Variants in KCNQ1 observed in about 807,000 individuals in gnomAD.
The protein encoded by KCNQ1 is potassium voltage-gated channel subfamily KQT member 1.
A neutral mutation model predicts 72.4 loss-of-function variants in KCNQ1; 49 were observed. That is an observed-to-expected ratio of 0.68 (90% CI 0.54 to 0.86). KCNQ1 has a LOEUF of 0.86. KCNQ1 is among the 40% of genes least tolerant of loss of function. The pLI is 0.00. For missense variants in KCNQ1, 790 were observed against 945.1 expected (o/e 0.84, Z 2.15); for synonymous variants, 450 against 412.6 (o/e 1.09, Z -1.10).
rs1849815571 is a variant in KCNQ1, at chr11:2,654,857, C to T, written c.1394-7104C>T. ...TGTAGCCTCATGGGCAGCTCCAGGC[C>T]AGGTGGAGGGACATATTCTGGCAAC... On this transcript the variant is annotated intron_variant, in intron 10 of 15. Coordinates refer to ENST00000155840, the MANE Select transcript of KCNQ1 (RefSeq NM_000218.3). This position sits in a 1 kb window ranked among gnomAD's most constrained non-coding sequence, Gnocchi z 6.4. 1 of 398,376 alleles carries T rather than the reference C, an allele frequency of 2.5e-6. No homozygotes were observed. The highest frequency in any genetic ancestry group is 2.1e-5 in the African/African-American group (1 of 48,546). The allele number at this position is 398,376 out of a possible 1,614,324, so 24.7% of individuals were successfully genotyped here. A position where few individuals can be genotyped will look rare whatever the true frequency, so the allele number is the denominator to read the frequency against.
At chr11:2,708,696 T>TA (rs1850952975) in intron 11 of KCNQ1, among the ~76,000 whole-genome samples, 1 of 152,048 alleles carries the variant, frequency 6.6e-6, no homozygotes, top group Non-Finnish European at 1.5e-5. Flanking sequence ...AGGCAGAAGA[T>TA]ACAGTTTATA....
rs1846681324 is a variant in KCNQ1, at chr11:2,483,198, T to A, written c.386+37714T>A. ...GTGAAGAACTGTGCAGGGAAGGTGC[T>A]GGAGATAGGACGGGAGGGCCACGAG... On this transcript the variant is annotated intron_variant, in intron 1 of 15. Coordinates refer to ENST00000155840, the MANE Select transcript of KCNQ1 (RefSeq NM_000218.3). This position sits in a 1 kb window ranked among gnomAD's most constrained non-coding sequence, Gnocchi z 6.1. Among the ~76,000 whole-genome samples the A allele has an allele frequency of 6.6e-6, 1 of 152,042 alleles. No individual in the cohort carries two copies.
intron 2 of KCNQ1, among the ~76,000 whole-genome samples, chr11:2,531,509 C>G (rs1473659168): frequency 6.6e-6 from 1 of 152,174 alleles, no homozygotes; most frequent in African/African-American, 2.4e-5. Context: ...CAAGATGGTC[C>G]TCATCCCAGC....
At chr11:2,503,631 G>GTATACA (rs1847051883) in intron 1 of KCNQ1, among the ~76,000 whole-genome samples, 3 of 151,936 alleles carry the variant, frequency 2.0e-5, no homozygotes, top group Non-Finnish European at 2.9e-5. Context: ...CATGGCACAT[G>GTATACA]TATACATATG....
intron 11 of KCNQ1, among the ~76,000 whole-genome samples, chr11:2,741,969 G>C (rs983662597): frequency 6.6e-6 from 1 of 152,220 alleles, no homozygotes; most frequent in Non-Finnish European, 1.5e-5. Context: ...GCCCCAGGGC[G>C]GGCTGCCGCC....
At chr11:2,524,922 C>T (rs1847469260) in intron 1 of KCNQ1, among the ~76,000 whole-genome samples, 1 of 152,172 alleles carries the variant, frequency 6.6e-6, no homozygotes, top group African/African-American at 2.4e-5. Flanking sequence ...ATCTTCTGCC[C>T]CGGGCAGCCC....
chr11:2,652,046 A>G lies in KCNQ1; in HGVS notation c.1394-9915A>G, dbSNP rs1284191414. ...TCCCCCCAGTTCTGGGGTGGCTCTG[A>G]CTGTGTCCAGGCTCCAATTTGAGAA... On this transcript the variant is annotated intron_variant, in intron 10 of 15. Transcript: ENST00000155840. This position sits in a 1 kb window ranked among gnomAD's most constrained non-coding sequence, Gnocchi z 5.9. 1.3e-5 allele frequency: 5 copies of G among 398,500 alleles called. No homozygotes were observed. Among genetic ancestry groups the G allele is most frequent in the African/African-American group, 1.0e-4 (5 of 48,606 alleles). The allele number at this position is 398,500 out of a possible 1,614,324, so 24.7% of individuals were successfully genotyped here.
At chr11:2,466,936 C>T (rs1321629836) in intron 1 of KCNQ1, among the ~76,000 whole-genome samples, 7 of 152,232 alleles carry the variant, frequency 4.6e-5, no homozygotes, top group Non-Finnish European at 5.9e-5. Context: ...CCCTGGGTTG[C>T]AGCAGTGAGC....
intron 15 of KCNQ1, among the ~76,000 whole-genome samples, chr11:2,791,302 C>T (rs959435054): frequency 7.9e-5 from 12 of 152,214 alleles, no homozygotes; most frequent in Non-Finnish European, 1.2e-4. Context: ...GGGAGTCCGG[C>T]TGGGCTGGCC....
rs933253528 is a variant in KCNQ1 at position 2,772,230 on chromosome 11, C to T, written c.1590+3311C>T. On this transcript the variant is annotated intron_variant, in intron 12 of 15. Coordinates refer to ENST00000155840, the MANE Select transcript of KCNQ1 (RefSeq NM_000218.3). The surrounding 1 kb of genome is among the most constrained non-coding windows in gnomAD (Gnocchi z 6.6). ...CGACGCCTGCCTGTCTGCTTGCTTGCACCCCACCCCACCCCCGCTGGCCTC... is the reference window on the plus strand; with the variant it reads ...CGACGCCTGCCTGTCTGCTTGCTTGTACCCCACCCCACCCCCGCTGGCCTC... 1.3e-5 allele frequency among the ~76,000 whole-genome samples: 2 copies of T among 151,862 alleles called. No homozygotes were observed. Among genetic ancestry groups the T allele is most frequent in the African/African-American group, 4.8e-5 (2 of 41,328 alleles).
intron 11 of KCNQ1, chr11:2,667,466 G>C: frequency 2.5e-6 from 1 of 398,642 alleles, no homozygotes. Flanking sequence ...AGCAGATGGT[G>C]TTGGAGGATG....
chr11:2,464,453 T>A lies in KCNQ1; in HGVS notation c.386+18969T>A, dbSNP rs572858470. On this transcript the variant is annotated intron_variant, in intron 1 of 15. Transcript: ENST00000155840. This position sits in a 1 kb window ranked among gnomAD's most constrained non-coding sequence, Gnocchi z 5.0. ...GCATCGCATGGATGAGAACTCTGAA[T>A]GAATTGAGTGTGATTTGACCTAGGA... is the stretch of plus-strand genomic sequence containing the variant. 5.3e-5 allele frequency among the ~76,000 whole-genome samples: 8 copies of A among 152,256 alleles called. No individual in the cohort carries two copies. The South Asian group carries it at 1.5e-3, about 28-fold the overall frequency.
In KCNQ1 at chr11:2,588,501, G is replaced by A. The variant is rs1848625734; in HGVS notation, c.1252-212G>A. Among the ~76,000 whole-genome samples, 1 of 152,162 alleles carries A rather than the reference G, an allele frequency of 6.6e-6. No individual in the cohort carries two copies. Among genetic ancestry groups the A allele is most frequent in the Admixed American group, 6.5e-5 (1 of 15,282 alleles). ...GTTAGCGAGGCCGTGAGCTCACAGG[G>A]CAGCACCTGGGCCAAGCCCCCCACG... is the stretch of plus-strand genomic sequence containing the variant. On this transcript the variant is annotated intron_variant, in intron 9 of 15. Coordinates refer to ENST00000155840, the MANE Select transcript of KCNQ1 (RefSeq NM_000218.3). The surrounding 1 kb of genome is among the most constrained non-coding windows in gnomAD (Gnocchi z 5.6).
intron 11 of KCNQ1, among the ~76,000 whole-genome samples, chr11:2,740,971 T>A (rs900848274): frequency 8.5e-5 from 13 of 152,068 alleles, no homozygotes; most frequent in Non-Finnish European, 1.6e-4. Context: ...TGATTCCCCT[T>A]CAAAGGAAAT....
rs940835631 is a variant in KCNQ1 at position 2,781,968 on chromosome 11, C to A, written c.1794+3931C>A. 1.3e-5 allele frequency among the ~76,000 whole-genome samples: 2 copies of A among 152,146 alleles called. No homozygotes were observed. The highest frequency in any genetic ancestry group is 6.5e-5 in the Admixed American group (1 of 15,284). ...CCAGGACTCCCAAAACCACACCCTG[C>A]CCATGCCTTTACCAAGCTTCGTGCA... On this transcript the variant is annotated intron_variant, in intron 15 of 15. Transcript: ENST00000155840. This position sits in a 1 kb window ranked among gnomAD's most constrained non-coding sequence, Gnocchi z 6.6.
chr11:2,779,275 C>T (rs1199168869), intron 15 of KCNQ1, among the ~76,000 whole-genome samples: 2 of 152,204 alleles, frequency 1.3e-5, no homozygotes, highest in African/African-American at 2.4e-5. Flanking sequence ...CTCTGCTGCC[C>T]GGGGAACACG....
At chr11:2,553,843 G>A (rs1243135090) in intron 2 of KCNQ1, among the ~76,000 whole-genome samples, 11 of 152,052 alleles carry the variant, frequency 7.2e-5, no homozygotes, top group Non-Finnish European at 1.5e-4. Context: ...AGCCTCCCGA[G>A]TAGCTGGGAT....
intron 11 of KCNQ1, among the ~76,000 whole-genome samples, chr11:2,700,553 T>C (rs1850789198): frequency 6.6e-6 from 1 of 151,180 alleles, no homozygotes; most frequent in East Asian, 2.0e-4. Context: ...GCGGGAGGCG[T>C]TTTCCCCCCT....
chr11:2,807,023 C>T (rs1847387675), intron 15 of KCNQ1, among the ~76,000 whole-genome samples: 1 of 152,294 alleles, frequency 6.6e-6, no homozygotes, highest in African/African-American at 2.4e-5. Context: ...TGTGACCGTG[C>T]AGGGAGGGTG....
Sources: allele counts gnomAD v4.1 joint callset (sites outside exome capture counted in the v4.1 genomes callset), GRCh38; gene constraint gnomAD v4.1.1; non-coding constraint Gnocchi (gnomAD v3.1); transcripts MANE v1.5; gene names NCBI Gene and HGNC (gene_info 2026-07-23, HGNC 2026-07-21).